ALMS1: variants seen among roughly 807,000 people sequenced by gnomAD.
The protein encoded by ALMS1 is centrosome-associated protein ALMS1.
Under a neutral mutation model 352.2 loss-of-function variants are expected in ALMS1, and 271 were observed. The observed-to-expected ratio is 0.77, with a 90% CI of 0.70 to 0.85. The LOEUF is 0.85. ALMS1 is among the 40% of genes least tolerant of loss of function. ALMS1 has a pLI of 0.00. For synonymous variants in ALMS1, 1,865 were observed against 1,761.2 expected, an observed-to-expected ratio of 1.06 and a Z score of -1.48; for missense variants, 5,445 against 4,870.7, an observed-to-expected ratio of 1.12 and a Z score of -3.51.
chr2:73,584,730 A>C (rs1675269677), intron 16 of ALMS1, among the ~76,000 whole-genome samples: 1 of 152,174 alleles, frequency 6.6e-6, no homozygotes, highest in Non-Finnish European at 1.5e-5. Flanking sequence ...TGCACCCATC[A>C]CCTGAGCAGT....
intron 10 of ALMS1, among the ~76,000 whole-genome samples, chr2:73,494,116 A>G (rs1399068803): frequency 6.6e-6 from 1 of 152,170 alleles, no homozygotes; most frequent in African/African-American, 2.4e-5. Context: ...TCATAATATG[A>G]CACCTAAGCT....
chr2:73,557,310 C>T lies in ALMS1; in HGVS notation c.10169C>T (p.Ala3390Val), dbSNP rs905527689. The change falls in exon 14 of 23, where the codon GCT (alanine) becomes GTT (valine). Residue 3390 changes from alanine to valine, a missense_variant. Physicochemically the swap from Ala to Val is moderately conservative, Grantham distance 64. Transcript: ENST00000613296. The stretch of plus-strand genomic sequence containing the variant: ...CACAGTACAAGGGCAGTGACTGAGG[C>T]TGCCCAGGCTAAAGAAAAAGAATCT... Reference protein sequence around the residue: ...EIHSTRAVTEAAQAKEKESLQ... With the variant: ...EIHSTRAVTEVAQAKEKESLQ... The T allele has an allele frequency of 5.6e-6, 9 of 1,614,042 alleles. No homozygotes were observed. The highest frequency in any genetic ancestry group is 6.8e-6 in the Non-Finnish European group (8 of 1,180,030).
chr2:73,552,740 AAAG>A (rs1185330714), intron 13 of ALMS1, among the ~76,000 whole-genome samples: 2 of 152,210 alleles, frequency 1.3e-5, no homozygotes, highest in African/African-American at 2.4e-5. Context: ...TTAGAGAATT[AAAG>A]AAGAATAGAG....
chr2:73,548,807 C>T (rs1468416198), intron 12 of ALMS1, among the ~76,000 whole-genome samples: 1 of 152,106 alleles, frequency 6.6e-6, no homozygotes, highest in Non-Finnish European at 1.5e-5. Flanking sequence ...CAGCATATAC[C>T]TTGGTGGTCG....
intron 12 of ALMS1, among the ~76,000 whole-genome samples, chr2:73,541,194 A>G (rs918208619): frequency 3.3e-5 from 5 of 152,212 alleles, no homozygotes; most frequent in African/African-American, 9.6e-5. Context: ...AGTGCAATCA[A>G]ACTAGAACTC....
chr2:73,537,869 G>C (rs547425064), intron 12 of ALMS1, among the ~76,000 whole-genome samples: 1 of 152,208 alleles, frequency 6.6e-6, no homozygotes, highest in South Asian at 2.1e-4. Flanking sequence ...AGCCAAGCAT[G>C]ATGGCCTACG....
intron 1 of ALMS1, among the ~76,000 whole-genome samples, chr2:73,400,073 G>A (rs1670843489): frequency 6.6e-6 from 1 of 151,828 alleles, no homozygotes; most frequent in Non-Finnish European, 1.5e-5. Context: ...GAGTAACTGG[G>A]ACCACAGGCA....
rs1292888701 is a variant in ALMS1, at chr2:73,568,964, G to A, written c.10385-3298G>A. ...TTTTATAAAGCCCTTTATACTTAAG[G>A]AATTCAGCTTGCTTGCTGCTGCTTC... is the stretch of plus-strand genomic sequence containing the variant. On this transcript the variant is annotated intron_variant, in intron 15 of 22. Coordinates refer to ENST00000613296, the MANE Select transcript of ALMS1 (RefSeq NM_001378454.1). Among the ~76,000 whole-genome samples, 4 of 134,014 alleles carry A rather than the reference G, an allele frequency of 3.0e-5. No individual in the cohort carries two copies. In the East Asian group the frequency reaches 6.9e-4, roughly 23 times the overall value. 87.9% of individuals were successfully genotyped at this position (134,014 alleles called of 152,430 possible).
At chr2:73,524,198 C>T (rs962170416) in intron 11 of ALMS1, among the ~76,000 whole-genome samples, 1 of 152,156 alleles carries the variant, frequency 6.6e-6, no homozygotes, top group Admixed American at 6.5e-5. Flanking sequence ...TAAATTTATA[C>T]TCTAAAGTAA....
At chr2:73,471,313 A>T (rs1213473183) in intron 9 of ALMS1, among the ~76,000 whole-genome samples, 1 of 151,356 alleles carries the variant, frequency 6.6e-6, no homozygotes, top group Non-Finnish European at 1.5e-5. Context: ...GCTACAGCGA[A>T]AGCAATTTAA....
chr2:73,490,679 C>G lies in ALMS1; in HGVS notation c.8720C>G (p.Ser2907Cys), dbSNP rs747291259. ...DDHVRKHHSP[S>C]PQHQDYVAPD... is the part of the protein sequence containing the mutation. ...CATGTGAGGAAACACCATTCTCCCT[C>G]TCCTCAACATCAGGATTATGTAGCT... The change falls in exon 10 of 23, where the codon TCT becomes TGT. Residue 2907 changes from serine to cysteine, a missense_variant. Coordinates refer to ENST00000613296, the MANE Select transcript of ALMS1 (RefSeq NM_001378454.1). 12 of 1,614,076 alleles carry G rather than the reference C, an allele frequency of 7.4e-6. No individual in the cohort carries two copies. In the South Asian group the frequency reaches 1.2e-4, roughly 16 times the overall value.
At chr2:73,508,455 T>G (rs1673383097) in intron 10 of ALMS1, among the ~76,000 whole-genome samples, 4 of 152,054 alleles carry the variant, frequency 2.6e-5, no homozygotes, top group Admixed American at 2.6e-4. Flanking sequence ...TCCACCCGCC[T>G]CGGCCTCCCA....
rs770734124 is a variant in ALMS1 at position 73,550,421 on chromosome 2, G to A, written c.10062G>A (p.Leu3354=). ...CCTTGCCAGTGGGAGAAAAACCCTT[G>A]CAGAATGAAAATGCAGGTAACTGGA... is the stretch of plus-strand genomic sequence containing the variant. ...KASLPVGEKP[L]QNENADASVQ... is the part of the protein sequence containing the mutation. The change falls in exon 13 of 23, where the codon TTG becomes TTA. Residue 3354 remains leucine, a synonymous_variant. Coordinates refer to ENST00000613296, the MANE Select transcript of ALMS1 (RefSeq NM_001378454.1). The A allele has an allele frequency of 6.2e-7, 1 of 1,614,096 alleles. No individual in the cohort carries two copies. The highest frequency in any genetic ancestry group is 8.5e-7 in the Non-Finnish European group (1 of 1,179,966).
intron 9 of ALMS1, among the ~76,000 whole-genome samples, chr2:73,489,084 C>G (rs1199424924): frequency 6.6e-6 from 1 of 152,260 alleles, no homozygotes; most frequent in East Asian, 1.9e-4. Flanking sequence ...CACATGACTT[C>G]CAAGGTTGTT....
chr2:73,492,017 T>C (rs984890632), intron 10 of ALMS1, among the ~76,000 whole-genome samples: 2 of 152,190 alleles, frequency 1.3e-5, no homozygotes, highest in African/African-American at 2.4e-5. Flanking sequence ...AAGATTAGCA[T>C]CGCCAGTAAA....
intron 1 of ALMS1, among the ~76,000 whole-genome samples, chr2:73,406,436 G>GTTTTTTTTTTTTTTTTTTTTTTTT (rs555343293): frequency 8.2e-6 from 1 of 122,052 alleles, no homozygotes; most frequent in African/African-American, 3.0e-5. Flanking sequence ...AATCCTATGG[G>GTTTTTTTTTTTTTTTTTTTTTTTT]TTTTTTTTTT....
At chr2:73,532,853 C>T (rs1026039855) in intron 11 of ALMS1, among the ~76,000 whole-genome samples, 4 of 152,210 alleles carry the variant, frequency 2.6e-5, no homozygotes, top group Non-Finnish European at 4.4e-5. Flanking sequence ...CACCTGAAGC[C>T]AGCACATCTC....
At chr2:73,433,475 G>C (rs935602154) in intron 7 of ALMS1, among the ~76,000 whole-genome samples, 1 of 152,202 alleles carries the variant, frequency 6.6e-6, no homozygotes, top group African/African-American at 2.4e-5. Flanking sequence ...GAGAGCACTA[G>C]AAGAATAGGT....
chr2:73,574,449 G>A (rs987728245), intron 16 of ALMS1, among the ~76,000 whole-genome samples: 1 of 152,030 alleles, frequency 6.6e-6, no homozygotes. Context: ...TATTTTATGA[G>A]TACAGTAGTG....
Sources: allele counts gnomAD v4.1 joint callset (sites outside exome capture counted in the v4.1 genomes callset), GRCh38; gene constraint gnomAD v4.1.1; transcripts MANE v1.5; gene names NCBI Gene and HGNC (gene_info 2026-07-23, HGNC 2026-07-21).